The following TRANK1 variants were observed in gnomAD, a reference collection of about 807,000 sequenced individuals.
The protein encoded by TRANK1 is TPR and ankyrin repeat-containing protein 1.
In TRANK1, 198 loss-of-function variants were observed where a neutral mutation model predicts 266.0. The observed-to-expected ratio is 0.74, with a 90% CI of 0.66 to 0.84. TRANK1 has a LOEUF of 0.84. Among genes scored for constraint, TRANK1 ranks in the 40% least tolerant of loss-of-function variants. TRANK1 has a pLI of 0.00. For synonymous variants in TRANK1, 1,396 were observed against 1,384.1 expected (o/e 1.01, Z -0.19); for missense variants, 3,326 against 3,634.6 (o/e 0.92, Z 2.18).
chr3:36,878,423 A>T (rs141443265), intron 8 of TRANK1, among the ~76,000 whole-genome samples: 110 of 152,316 alleles, frequency 7.2e-4, no homozygotes, highest in African/African-American at 2.4e-3. Flanking sequence ...GCAGGTCCTA[A>T]ACTACCAACA....
intron 1 of TRANK1, among the ~76,000 whole-genome samples, chr3:36,909,034 C>T (rs1043877103): frequency 6.6e-6 from 1 of 152,196 alleles, no homozygotes; most frequent in South Asian, 2.1e-4. Context: ...CAGGTGAAGG[C>T]CTCAGTATGC....
chr3:36,850,699 G>C (rs2078974029), intron 15 of TRANK1: 16 of 973,876 alleles, frequency 1.6e-5, no homozygotes, highest in South Asian at 4.8e-5. Flanking sequence ...ACTTCAAAAA[G>C]TACTCTGTAA....
Position 36,941,935 on chromosome 3 carries a change from G to A in TRANK1, c.23+2852C>T, listed in dbSNP as rs569577682. ...CCCCACCTCCCCATCTGGAAATGCA[G>A]TGGAGGGTTCATTCCTTAAGGTCAA... On this transcript the variant is annotated intron_variant, in intron 1 of 23. Transcript: ENST00000645898. 3.3e-5 allele frequency among the ~76,000 whole-genome samples: 5 copies of A among 152,326 alleles called. No individual in the cohort carries two copies. The South Asian group carries it at 1.0e-3, about 32-fold the overall frequency.
intron 17 of TRANK1, among the ~76,000 whole-genome samples, chr3:36,845,703 TC>T (rs1160272758): frequency 6.6e-6 from 1 of 152,208 alleles, no homozygotes; most frequent in Non-Finnish European, 1.5e-5. Context: ...ACAATCCACA[TC>T]CTTTTTCTCT....
intron 1 of TRANK1, among the ~76,000 whole-genome samples, chr3:36,944,375 C>T (rs145070498): frequency 0.021 from 3,272 of 152,340 alleles, 54 homozygotes; most frequent in Middle Eastern, 0.034. Context: ...CACCGCTGTG[C>T]TCCGCTCCCA....
At chr3:36,841,088 G>C (rs1477378248) in intron 18 of TRANK1, among the ~76,000 whole-genome samples, 1 of 152,136 alleles carries the variant, frequency 6.6e-6, no homozygotes, top group African/African-American at 2.4e-5. Flanking sequence ...TCACACTGTG[G>C]CTTCTGTTAA....
In TRANK1 at chr3:36,833,828, G is replaced by T. The variant is rs2078732180; in HGVS notation, c.5755C>A (p.Leu1919Met). The T allele has an allele frequency of 8.1e-6, 13 of 1,613,994 alleles. No homozygotes were observed. The highest frequency in any genetic ancestry group is 1.3e-5 in the African/African-American group (1 of 75,034). Reference sequence around the variant, plus strand: ...ATTTCCTTCATCTTATTTGCACTCAGATACTTTGCTGCAGCTTCCAAGTAA... The same window carrying T: ...ATTTCCTTCATCTTATTTGCACTCATATACTTTGCTGCAGCTTCCAAGTAA... ...QFYLEAAAKY[L>M]SANKMKEMMA... is the part of the protein sequence containing the mutation. The change falls in exon 22 of 24, where the codon CTG (leucine) becomes ATG (methionine). Residue 1919 changes from leucine to methionine, a missense_variant. Transcript: ENST00000645898.
chr3:36,828,461 AGGAGGAAG>A, intron 23 of TRANK1, 86 bp from the exon 24 acceptor site: 1 of 963,586 alleles, frequency 1.0e-6, no homozygotes, highest in Non-Finnish European at 1.6e-6. Context: ...AAGGAAGGAA[AGGAGGAAG>A]GGAGGAAGGA....
chr3:36,831,160 T>G lies in TRANK1; in HGVS notation c.8423A>C (p.Glu2808Ala). Residue 2808 changes from glutamate to alanine, a missense_variant, in exon 22 of 24, where the codon GAG becomes GCG. By Grantham distance (107) the Glu-to-Ala change is moderately radical. Coordinates refer to ENST00000645898, the MANE Select transcript of TRANK1 (RefSeq NM_001329998.2). This position sits in a 1 kb window ranked among gnomAD's most constrained non-coding sequence, Gnocchi z 5.0. ...AVLSRAELER[E>A]ECQERNSESY... is the part of the protein sequence containing the mutation. ...CTCGCTGTTCCTCTCCTGACACTCC[T>G]CCCTTTCCAGCTCAGCCCTGGAAAG... 6.2e-7 allele frequency: 1 copy of G among 1,613,968 alleles called. No homozygotes were observed. The highest frequency in any genetic ancestry group is 8.5e-7 in the Non-Finnish European group (1 of 1,179,870).
Position 36,831,719 on chromosome 3 carries a change from C to A in TRANK1, c.7864G>T (p.Val2622Phe), listed in dbSNP as rs2078696787. 1 of 1,613,886 alleles carries A rather than the reference C, an allele frequency of 6.2e-7. No homozygotes were observed. The highest frequency in any genetic ancestry group is 1.3e-5 in the African/African-American group (1 of 74,940). The change falls in exon 22 of 24, where the codon GTC (valine) becomes TTC (phenylalanine). Residue 2622 changes from valine to phenylalanine, a missense_variant. Coordinates refer to ENST00000645898, the MANE Select transcript of TRANK1 (RefSeq NM_001329998.2). This position sits in a 1 kb window ranked among gnomAD's most constrained non-coding sequence, Gnocchi z 5.0. ...GCCTCAGCCACAGACTTCACATTGACTGCCACCAAGACCCGCTTCACCACC... is the reference window on the plus strand; with the variant it reads ...GCCTCAGCCACAGACTTCACATTGAATGCCACCAAGACCCGCTTCACCACC... ...LKVVKRVLVA[V>F]NVKSVAEALQ...
rs1216493244 is a variant in TRANK1, at chr3:36,857,772, C to T, written c.1950G>A (p.Met650Ile). 6.2e-7 allele frequency: 1 copy of T among 1,613,916 alleles called. No homozygotes were observed. The highest frequency in any genetic ancestry group is 8.5e-7 in the Non-Finnish European group (1 of 1,179,904). Residue 650 changes from methionine (M) to isoleucine (I), a missense_variant, in exon 13 of 24, where the codon ATG becomes ATA. Physicochemically the swap from Met to Ile is conservative, Grantham distance 10. Transcript: ENST00000645898. The surrounding 1 kb of genome is among the most constrained non-coding windows in gnomAD (Gnocchi z 4.3). The stretch of plus-strand genomic sequence containing the variant: ...CCTGCCGGCTCCTCCTCCTGTTCTC[C>T]ATCAGAGCTTTGTTCCAGGCCAAGA... The part of the protein sequence containing the change: ...SLLLAWNKAL[M>I]ENRRRSRQDS...
chr3:36,875,904 G>A (rs1200621345), intron 8 of TRANK1, among the ~76,000 whole-genome samples: 1 of 152,222 alleles, frequency 6.6e-6, no homozygotes, highest in Non-Finnish European at 1.5e-5. Context: ...TCACAGAAAT[G>A]TTGGGAGGAC....
intron 4 of TRANK1, among the ~76,000 whole-genome samples, chr3:36,898,720 G>A (rs772832457): frequency 2.0e-4 from 30 of 151,612 alleles, no homozygotes; most frequent in Admixed American, 1.2e-3. Flanking sequence ...GTGTGGTGGC[G>A]TGTGCCTGTA....
rs1256707991 is a variant in TRANK1 at position 36,855,266 on chromosome 3, G to T, written c.4456C>A (p.His1486Asn). ...TCTATGGTGTTTCTGCTGGCATAAT[G>T]GAACAGAGAGCGCAGATCGCTGAAG... is the stretch of plus-strand genomic sequence containing the variant. The part of the protein sequence containing the change: ...FRFSDLRSLF[H>N]YASRNTIDKQ... Residue 1486 changes from histidine to asparagine, a missense_variant, in exon 13 of 24, where the codon CAT becomes AAT. Physicochemically the swap from His to Asn is moderately conservative, Grantham distance 68 (BLOSUM62 1). Coordinates refer to ENST00000645898, the MANE Select transcript of TRANK1 (RefSeq NM_001329998.2). The T allele has an allele frequency of 1.9e-6, 3 of 1,613,946 alleles. No individual in the cohort carries two copies. The highest frequency in any genetic ancestry group is 2.5e-6 in the Non-Finnish European group (3 of 1,179,900).
Position 36,857,046 on chromosome 3 carries a change from C to G in TRANK1, c.2676G>C (p.Lys892Asn). 1 of 1,614,016 alleles carries G rather than the reference C, an allele frequency of 6.2e-7. No homozygotes were observed. Among genetic ancestry groups the G allele is most frequent in the Non-Finnish European group, 8.5e-7 (1 of 1,179,880 alleles). ...LKGSIQLFEA[K>N]LDKGARMLWE... ...AGAGCATCCGGGCTCCTTTGTCCAG[C>G]TTAGCTTCGAAGAGCTGGATGCTTC... is the stretch of plus-strand genomic sequence containing the variant. Residue 892 changes from lysine (K) to asparagine (N), a missense_variant, in exon 13 of 24, where the codon AAG becomes AAC. Physicochemically the swap from Lys to Asn is moderately conservative, Grantham distance 94. Transcript: ENST00000645898. This position sits in a 1 kb window ranked among gnomAD's most constrained non-coding sequence, Gnocchi z 4.3.
At position 36,833,298 on chromosome 3, in the gene TRANK1, G is replaced by T; in HGVS notation, c.6285C>A (p.Val2095=). The T allele has an allele frequency of 2.5e-6, 4 of 1,613,942 alleles. No homozygotes were observed. The highest frequency in any genetic ancestry group is 2.5e-6 in the Non-Finnish European group (3 of 1,179,882). ...PGGLEILLSL[V]RALKRVTNNA... is the part of the protein sequence containing the mutation. ...TGTTGGTCACTCTTTTGAGAGCCCT[G>T]ACCAGACTGAGGAGGATTTCCAAGC... The change falls in exon 22 of 24, where the codon GTC becomes GTA. Residue 2095 remains valine, a synonymous_variant. Coordinates refer to ENST00000645898, the MANE Select transcript of TRANK1 (RefSeq NM_001329998.2).
intron 4 of TRANK1, among the ~76,000 whole-genome samples, chr3:36,898,397 A>T (rs2079824459): frequency 6.6e-6 from 1 of 151,720 alleles, no homozygotes; most frequent in Admixed American, 6.6e-5. Flanking sequence ...TGCAGTGAGC[A>T]AAGATCGTGC....
At chr3:36,899,536 G>A (rs930745901) in intron 3 of TRANK1, among the ~76,000 whole-genome samples, 10 of 152,294 alleles carry the variant, frequency 6.6e-5, no homozygotes, top group African/African-American at 2.4e-4. Flanking sequence ...CACATACCTT[G>A]TAGTCCCAGC....
At chr3:36,866,052 A>AAAAGAAAG (rs56714482) in intron 9 of TRANK1, among the ~76,000 whole-genome samples, 17,430 of 127,666 alleles carry the variant, frequency 0.14, 1,461 homozygotes, top group East Asian at 0.17. Flanking sequence ...GACAGAAAGA[A>AAAAGAAAG]AAAGAAAGAA....
Sources: gnomAD v4.1 joint callset for allele counts (sites outside exome capture counted in the v4.1 genomes callset) on GRCh38, gnomAD v4.1.1 for gene constraint, Gnocchi (gnomAD v3.1) non-coding constraint, MANE v1.5 for transcripts, NCBI Gene and HGNC (gene_info 2026-07-23, HGNC 2026-07-21) for gene names.